TOX: variants seen among roughly 807,000 people sequenced by gnomAD.
TOX encodes thymocyte selection associated high mobility group box.
In TOX, 11 loss-of-function variants were observed where a neutral mutation model predicts 53.7. The ratio of observed to expected loss-of-function variants is 0.20; its 90% CI spans 0.13 to 0.34. The LOEUF (loss-of-function observed/expected upper bound fraction) is 0.34. TOX is among the 10% of genes least tolerant of loss of function. The pLI is 1.00. For synonymous variants in TOX, 225 were observed against 245.3 expected, an observed-to-expected ratio of 0.92 and a Z score of 0.77; for missense variants, 570 against 664.6, an observed-to-expected ratio of 0.86 and a Z score of 1.56.
chr8:58,959,035 A>G (rs1812756193), intron 2 of TOX, among the ~76,000 whole-genome samples: 1 of 152,222 alleles, frequency 6.6e-6, no homozygotes, highest in Non-Finnish European at 1.5e-5. Flanking sequence ...TAGGCATTGA[A>G]CATTACTAAG....
In TOX at chr8:58,807,620, A is replaced by T. The variant is rs1810002045; in HGVS notation, c.*127T>A. The T allele has an allele frequency of 1.0e-6, 1 of 989,176 alleles. No homozygotes were observed. Among genetic ancestry groups the T allele is most frequent in the Admixed American group, 2.4e-5 (1 of 42,036 alleles). 61.3% of individuals were successfully genotyped at this position (989,176 alleles called of 1,614,324 possible). A position where few individuals can be genotyped will look rare whatever the true frequency, so the allele number is the denominator to read the frequency against. On this transcript the variant is annotated 3_prime_UTR_variant, in exon 9 of 9. Transcript: ENST00000361421. The stretch of plus-strand genomic sequence containing the variant: ...CCAGAGTGGGTGACCCACAAGCTCA[A>T]ATGGTCCTAAGTGCTTAGCAACTTG...
intron 1 of TOX, among the ~76,000 whole-genome samples, chr8:58,985,597 A>T (rs1032648858): frequency 3.3e-5 from 5 of 152,222 alleles, no homozygotes; most frequent in Non-Finnish European, 1.5e-5. Context: ...TATATGTAAT[A>T]CACTGAATTG....
chr8:58,874,777 A>T (rs2129170326), intron 3 of TOX, among the ~76,000 whole-genome samples: 1 of 152,308 alleles, frequency 6.6e-6, no homozygotes, highest in East Asian at 1.9e-4. Flanking sequence ...TCTTTATCTT[A>T]TCCACCATGA....
chr8:59,040,628 A>G (rs903680758), intron 1 of TOX, among the ~76,000 whole-genome samples: 2 of 152,368 alleles, frequency 1.3e-5, no homozygotes, highest in East Asian at 3.9e-4. Context: ...GCCCTAGCCA[A>G]CTACTGAAGT....
chr8:59,045,456 A>G (rs1000093354), intron 1 of TOX, among the ~76,000 whole-genome samples: 1 of 152,246 alleles, frequency 6.6e-6, no homozygotes, highest in Non-Finnish European at 1.5e-5. Flanking sequence ...TGCTGCTGAG[A>G]CGCAAAGAAA....
At position 58,838,699 on chromosome 8, in the gene TOX, C is replaced by CTTTTTTTTTTTTTTTTTTTTT. The variant is rs35347981; in HGVS notation, c.694-409_694-389dup. On this transcript the variant is annotated intron_variant, in intron 4 of 8. Transcript: ENST00000361421. ...TTTCTTCTAAGGAAGTTATCCTTGT[C>CTTTTTTTTTTTTTTTTTTTTT]TTTTTTTTTTTTTTTTTTTTTGAGA... 1.6e-3 allele frequency among the ~76,000 whole-genome samples: 144 copies of CTTTTTTTTTTTTTTTTTTTTT among 88,864 alleles called. 16 individuals are homozygous for CTTTTTTTTTTTTTTTTTTTTT. Among genetic ancestry groups the CTTTTTTTTTTTTTTTTTTTTT allele is most frequent in the African/African-American group, 3.3e-3 (55 of 16,724 alleles). 58.3% of individuals were successfully genotyped at this position (88,864 alleles called of 152,430 possible).
chr8:58,913,096 G>C (rs1396424848), intron 3 of TOX, among the ~76,000 whole-genome samples: 1 of 152,172 alleles, frequency 6.6e-6, no homozygotes, highest in Admixed American at 6.5e-5. Context: ...ATGAATGTTT[G>C]GTGAGATTTG....
chr8:59,024,438 C>A (rs1013314086), intron 1 of TOX, among the ~76,000 whole-genome samples: 1 of 152,154 alleles, frequency 6.6e-6, no homozygotes, highest in African/African-American at 2.4e-5. Flanking sequence ...TTCTCAGTAG[C>A]TACTAAGTGT....
chr8:59,044,562 G>T (rs1363552196), intron 1 of TOX, among the ~76,000 whole-genome samples: 1 of 152,138 alleles, frequency 6.6e-6, no homozygotes, highest in South Asian at 2.1e-4. Flanking sequence ...TTCTGTAAAA[G>T]AAATTTTTAT....
rs1353978766 is a variant in TOX, at chr8:58,908,911, G to C, written c.411+30391C>G. Among the ~76,000 whole-genome samples, 3 of 152,290 alleles carry C rather than the reference G, an allele frequency of 2.0e-5. 1 individual carries two copies. Among genetic ancestry groups the C allele is most frequent in the Non-Finnish European group, 2.9e-5 (2 of 68,018 alleles). On this transcript the variant is annotated intron_variant, in intron 3 of 8. Coordinates refer to ENST00000361421, the MANE Select transcript of TOX (RefSeq NM_014729.3). ...TATACAAAGTATTTTCTTATATGAA[G>C]TTGAAAACTACCTACAGCTTTTTCT...
At chr8:59,040,982 C>T (rs891052343) in intron 1 of TOX, among the ~76,000 whole-genome samples, 3 of 152,042 alleles carry the variant, frequency 2.0e-5, no homozygotes, top group Admixed American at 2.0e-4. Flanking sequence ...GCTTTAGCAT[C>T]AGTTGGGACC....
chr8:58,870,418 G>A (rs1412177264), intron 3 of TOX, among the ~76,000 whole-genome samples: 1 of 152,130 alleles, frequency 6.6e-6, no homozygotes, highest in Non-Finnish European at 1.5e-5. Flanking sequence ...TAGATACCCT[G>A]TGTTCATGGA....
chr8:59,010,319 GACTATT>G (rs1431696300), intron 1 of TOX, among the ~76,000 whole-genome samples: 1 of 152,110 alleles, frequency 6.6e-6, no homozygotes, highest in Non-Finnish European at 1.5e-5. Context: ...CAATTATTAT[GACTATT>G]ACTATTATTA....
chr8:59,009,304 CTCTTTCCT>C (rs1038956358), intron 1 of TOX, among the ~76,000 whole-genome samples: 18 of 151,060 alleles, frequency 1.2e-4, no homozygotes, highest in Non-Finnish European at 2.1e-4. Flanking sequence ...TCAGTCTCCT[CTCTTTCCT>C]TCTTTCCTTC....
At chr8:58,882,045 T>C (rs973358057) in intron 3 of TOX, among the ~76,000 whole-genome samples, 3 of 152,240 alleles carry the variant, frequency 2.0e-5, no homozygotes, top group African/African-American at 7.2e-5. Flanking sequence ...TGTAAGTAAC[T>C]TGTTCATGTA....
chr8:58,899,087 A>G (rs568757537), intron 3 of TOX, among the ~76,000 whole-genome samples: 1 of 152,276 alleles, frequency 6.6e-6, no homozygotes, highest in Non-Finnish European at 1.5e-5. Context: ...GGTAGCTCCT[A>G]GGCCTACTTA....
intron 4 of TOX, among the ~76,000 whole-genome samples, chr8:58,841,464 T>C (rs144245269): frequency 2.9e-4 from 44 of 152,322 alleles, no homozygotes; most frequent in Non-Finnish European, 3.1e-4. Context: ...TTCACAATCA[T>C]AAAATATTTA....
chr8:58,875,726 T>C (rs1308908012), intron 3 of TOX, among the ~76,000 whole-genome samples: 1 of 152,204 alleles, frequency 6.6e-6, no homozygotes, highest in African/African-American at 2.4e-5. Context: ...ATGGCTCATG[T>C]TGGCAAAAGT....
intron 1 of TOX, among the ~76,000 whole-genome samples, chr8:59,063,733 T>A (rs1467052712): frequency 6.6e-6 from 1 of 152,128 alleles, no homozygotes; most frequent in Non-Finnish European, 1.5e-5. Context: ...GGATAGACTT[T>A]TACTGAGAAC....
Sources: gnomAD v4.1 joint callset for allele counts (sites outside exome capture counted in the v4.1 genomes callset) on GRCh38, gnomAD v4.1.1 for gene constraint, MANE v1.5 for transcripts, NCBI Gene and HGNC (gene_info 2026-07-23, HGNC 2026-07-21) for gene names.